PRTG: variants seen among roughly 807,000 people sequenced by gnomAD.
PRTG encodes the protein protogenin.
A neutral mutation model predicts 122.5 loss-of-function variants in PRTG; 67 were observed. The ratio of observed to expected loss-of-function variants is 0.55; its 90% CI spans 0.45 to 0.67. The LOEUF (loss-of-function observed/expected upper bound fraction) is 0.67, where lower values mean the gene tolerates loss of function less well. Ranked by LOEUF, PRTG falls within the 30% of genes least tolerant of loss-of-function variation. The probability of loss-of-function intolerance (pLI) is 0.00; values close to 1 mark genes in which losing one functional copy is unlikely to be tolerated. For synonymous variants in PRTG, 554 were observed against 501.1 expected (o/e 1.11, Z -1.41); for missense variants, 1,435 against 1,415.4 (o/e 1.01, Z -0.22).
At chr15:55,733,542 G>A (rs975933619) in intron 2 of PRTG, among the ~76,000 whole-genome samples, 4 of 147,136 alleles carry the variant, frequency 2.7e-5, no homozygotes, top group Admixed American at 6.8e-5. Context: ...AAAAGTAAAC[G>A]GAGCCCAAGC....
intron 2 of PRTG, among the ~76,000 whole-genome samples, chr15:55,726,605 T>C (rs2031040165): frequency 6.8e-6 from 1 of 146,438 alleles, no homozygotes; most frequent in African/African-American, 2.5e-5. Flanking sequence ...CACTCCAGCC[T>C]GGGTAACAAG....
At chr15:55,698,829 T>A (rs189666219) in intron 2 of PRTG, among the ~76,000 whole-genome samples, 2 of 143,236 alleles carry the variant, frequency 1.4e-5, no homozygotes, top group Non-Finnish European at 3.0e-5. Context: ...ATCATGCTCA[T>A]AGAAAAAAAG....
chr15:55,712,721 T>G (rs1363080116), intron 2 of PRTG, among the ~76,000 whole-genome samples: 2 of 152,244 alleles, frequency 1.3e-5, no homozygotes, highest in African/African-American at 4.8e-5. Context: ...ATTACTATCC[T>G]TTTTGATCCA....
intron 11 of PRTG, among the ~76,000 whole-genome samples, chr15:55,662,974 C>G (rs1175125460): frequency 2.0e-5 from 3 of 152,184 alleles, no homozygotes; most frequent in South Asian, 4.1e-4. Context: ...ACTGGGACAC[C>G]AACCTTTCCA....
chr15:55,730,599 G>C (rs1174577290), intron 2 of PRTG, among the ~76,000 whole-genome samples: 1 of 152,046 alleles, frequency 6.6e-6, no homozygotes, highest in Non-Finnish European at 1.5e-5. Flanking sequence ...AGGATATCAA[G>C]ACCATCCTGG....
chr15:55,697,546 C>T (rs910444785), intron 2 of PRTG, among the ~76,000 whole-genome samples: 1 of 152,184 alleles, frequency 6.6e-6, no homozygotes, highest in African/African-American at 2.4e-5. Context: ...GAGTCTTGCA[C>T]TATCGCCAGG....
In PRTG at chr15:55,638,563, G is replaced by A; in HGVS notation, c.2438C>T (p.Ser813Phe). 1.2e-6 allele frequency: 2 copies of A among 1,609,978 alleles called. No individual in the cohort carries two copies. The highest frequency in any genetic ancestry group is 1.7e-6 in the Non-Finnish European group (2 of 1,178,184). Residue 813 changes from serine to phenylalanine, a missense_variant, in exon 14 of 20, where the codon TCT becomes TTT. Ser to Phe is a radical substitution (Grantham distance 155). Transcript: ENST00000389286. ...SSPWSPVVYH[S>F]TLPEAPAGPP... ...GTTTTCTTTACCTTCTGGAAGAGTA[G>A]AATGGTAGACTACAGGGCTCCAAGG...
chr15:55,703,294 A>G (rs1414025807), intron 2 of PRTG, among the ~76,000 whole-genome samples: 2 of 152,252 alleles, frequency 1.3e-5, no homozygotes, highest in Non-Finnish European at 2.9e-5. Context: ...TAGTTACAGT[A>G]AATGATTTAC....
intron 11 of PRTG, among the ~76,000 whole-genome samples, chr15:55,657,892 A>G (rs2059388983): frequency 6.6e-6 from 1 of 152,208 alleles, no homozygotes; most frequent in Admixed American, 6.5e-5. Flanking sequence ...AACATTTATA[A>G]AATTCAGACA....
chr15:55,715,649 G>A (rs377694211), intron 2 of PRTG, among the ~76,000 whole-genome samples: 2 of 152,150 alleles, frequency 1.3e-5, no homozygotes, highest in South Asian at 2.1e-4. Flanking sequence ...GAGGTCCCCT[G>A]GAATTACATA....
At chr15:55,664,373 C>T (rs914777026) in intron 11 of PRTG, among the ~76,000 whole-genome samples, 3 of 152,086 alleles carry the variant, frequency 2.0e-5, no homozygotes, top group African/African-American at 7.2e-5. Context: ...GAACTCCCGA[C>T]CTCAGGTGAT....
intron 1 of PRTG, 96 bp from the exon 2 acceptor site, chr15:55,740,780 A>C: frequency 9.8e-7 from 1 of 1,015,514 alleles, no homozygotes; most frequent in Admixed American, 2.8e-5. Context: ...AGGGTATGAG[A>C]TGACGAAGTT....
intron 2 of PRTG, chr15:55,738,431 G>A (rs1399182892): frequency 4.3e-6 from 3 of 698,074 alleles, no homozygotes; most frequent in African/African-American, 1.8e-5. Flanking sequence ...TGGAAACAAT[G>A]TGTGGTCATG....
chr15:55,669,168 T>TA (rs879643229), intron 11 of PRTG, among the ~76,000 whole-genome samples: 76 of 140,720 alleles, frequency 5.4e-4, no homozygotes, highest in East Asian at 2.3e-3. Context: ...TTATCAGAAG[T>TA]AAAAAAAAAA....
intron 12 of PRTG, among the ~76,000 whole-genome samples, chr15:55,640,641 C>T (rs1277291527): frequency 1.3e-5 from 2 of 152,136 alleles, no homozygotes; most frequent in Non-Finnish European, 2.9e-5. Context: ...GTCTAATGGT[C>T]TTTTGTATGC....
intron 2 of PRTG, among the ~76,000 whole-genome samples, chr15:55,738,025 T>TATACACAC (rs1464247830): frequency 2.1e-5 from 2 of 95,686 alleles, no homozygotes; most frequent in African/African-American, 8.0e-5. Context: ...TATATATATA[T>TATACACAC]ACACACACAC....
chr15:55,626,972 T>G (rs1415661742), intron 17 of PRTG, 36 bp downstream of exon 17: 2 of 1,566,940 alleles, frequency 1.3e-6, no homozygotes, highest in Middle Eastern at 1.7e-4. Context: ...AATTTAAATG[T>G]TTTTCACCTC....
intron 2 of PRTG, among the ~76,000 whole-genome samples, chr15:55,700,307 G>A (rs550088222): frequency 1.3e-3 from 190 of 151,990 alleles, no homozygotes; most frequent in Non-Finnish European, 2.1e-3. Context: ...TATACCTTAC[G>A]CAAAAAAATT....
chr15:55,711,351 G>A (rs558374932), intron 2 of PRTG, among the ~76,000 whole-genome samples: 10 of 152,238 alleles, frequency 6.6e-5, no homozygotes, highest in South Asian at 2.1e-4. Context: ...ATCTTACACA[G>A]CTGATCCTTG....
Sources: gnomAD v4.1 joint callset for allele counts (sites outside exome capture counted in the v4.1 genomes callset) on GRCh38, gnomAD v4.1.1 for gene constraint, MANE v1.5 for transcripts, NCBI Gene and HGNC (gene_info 2026-07-23, HGNC 2026-07-21) for gene names.